Variants in RGPD8 observed in about 807,000 individuals in gnomAD.
The protein encoded by RGPD8 is RANBP2-like and GRIP domain-containing protein 8.
Under a neutral mutation model 89.1 loss-of-function variants are expected in RGPD8, and 15 were observed. That is an observed-to-expected ratio of 0.17 (90% CI 0.11 to 0.26). The LOEUF is 0.26. Ranked by LOEUF, RGPD8 falls within the 10% of genes least tolerant of loss-of-function variation. The pLI is 1.00. For synonymous variants in RGPD8, 62 were observed against 420.9 expected (o/e 0.15, Z 10.44); for missense variants, 178 against 1,179.6 (o/e 0.15, Z 12.44).
At chr2:112,411,139 T>A (rs1375093582) in intron 7 of RGPD8, among the ~76,000 whole-genome samples, 1 of 152,284 alleles carries the variant, frequency 6.6e-6, no homozygotes, top group African/African-American at 2.4e-5. Flanking sequence ...AAGTAATGAA[T>A]CCTTTTTTTT....
At position 112,389,234 on chromosome 2, in the gene RGPD8, G is replaced by A; in HGVS notation, c.3711C>T (p.Pro1237=). ...VAGASDTTIK[P]NAENTGPTLE... Reference sequence around the variant, plus strand: ...ATGTGGGCCCAGTGTTTTCAGCATTGGGTTTTATTGTTGTGTCTGAGGCAC... The same window carrying A: ...ATGTGGGCCCAGTGTTTTCAGCATTAGGTTTTATTGTTGTGTCTGAGGCAC... Residue 1237 remains proline (P), a synonymous_variant, in exon 20 of 23, where the codon CCC becomes CCT. Coordinates refer to ENST00000302558, the MANE Select transcript of RGPD8 (RefSeq NM_001164463.1). 6.4e-7 allele frequency: 1 copy of A among 1,570,072 alleles called. No individual in the cohort carries two copies. The highest frequency in any genetic ancestry group is 8.7e-7 in the Non-Finnish European group (1 of 1,150,066).
chr2:112,390,466 G>C (rs1336937265), intron 19 of RGPD8, among the ~76,000 whole-genome samples: 2 of 141,580 alleles, frequency 1.4e-5, no homozygotes, highest in Non-Finnish European at 3.1e-5. Flanking sequence ...AAAACCCTAT[G>C]AATTAAGGTA....
chr2:112,377,343 G>A lies in RGPD8; in HGVS notation c.5263+710C>T, dbSNP rs533630751. On this transcript the variant is annotated intron_variant, in intron 22 of 22. Coordinates refer to ENST00000302558, the MANE Select transcript of RGPD8 (RefSeq NM_001164463.1). The stretch of plus-strand genomic sequence containing the variant: ...TGCCGTCAGGCTGGAGTACAGTGGC[G>A]TGACACATCACTGCAACCTCCGCCT... Among the ~76,000 whole-genome samples the A allele has an allele frequency of 9.4e-4, 97 of 103,146 alleles. 12 individuals carry two copies. Among genetic ancestry groups the A allele is most frequent in the African/African-American group, 2.7e-3 (84 of 31,196 alleles). The allele number at this position is 103,146 out of a possible 152,430, so 67.7% of individuals were successfully genotyped here. A position where few individuals can be genotyped will look rare whatever the true frequency, so the allele number is the denominator to read the frequency against.
chr2:112,374,858 CTTTTTTTT>C (rs780008775), intron 22 of RGPD8, among the ~76,000 whole-genome samples: 52 of 103,422 alleles, frequency 5.0e-4, no homozygotes, highest in Non-Finnish European at 8.0e-4. Context: ...AGTTTACATT[CTTTTTTTT>C]TTTTTTTTTT....
intron 6 of RGPD8, among the ~76,000 whole-genome samples, chr2:112,413,552 C>T (rs1679267812): frequency 1.6e-5 from 2 of 122,164 alleles, no homozygotes; most frequent in South Asian, 5.2e-4. Context: ...AAGTGGCTTA[C>T]AATAAAGCAA....
chr2:112,379,814 T>A (rs1157264853), intron 21 of RGPD8, among the ~76,000 whole-genome samples: 1 of 142,082 alleles, frequency 7.0e-6, no homozygotes, highest in African/African-American at 2.5e-5. Flanking sequence ...GCTAGTGGCC[T>A]TGCACAGTGG....
intron 1 of RGPD8, among the ~76,000 whole-genome samples, chr2:112,429,410 C>T (rs1266280613): frequency 4.1e-5 from 4 of 96,486 alleles, no homozygotes; most frequent in Non-Finnish European, 7.8e-5. Flanking sequence ...AGCCAGACTC[C>T]GTCTCAAAAA....
Position 112,422,638 on chromosome 2 carries a change from A to G in RGPD8, c.162T>C (p.Asn54=), listed in dbSNP as rs1679605489. ...LAKKYICTYI[N]VQERDPKAHR... ...GAGCTTTGGGATCCCTCTCTTGCAC[A>G]TTAATGTAAGTACATATGTATCTGT... Residue 54 remains asparagine, a synonymous_variant, in exon 3 of 23, where the codon AAT becomes AAC. Transcript: ENST00000302558. 5 of 1,603,756 alleles carry G rather than the reference A, an allele frequency of 3.1e-6. No homozygotes were observed. The highest frequency in any genetic ancestry group is 4.2e-6 in the Non-Finnish European group (5 of 1,176,916).
In RGPD8 at chr2:112,377,435, C is replaced by T. The variant is rs867049509; in HGVS notation, c.5263+618G>A. Among the ~76,000 whole-genome samples, 65 of 109,770 alleles carry T rather than the reference C, an allele frequency of 5.9e-4. 6 individuals carry two copies. The highest frequency in any genetic ancestry group is 1.6e-3 in the African/African-American group (55 of 34,112). 72.0% of individuals were successfully genotyped at this position (109,770 alleles called of 152,430 possible). A position where few individuals can be genotyped will look rare whatever the true frequency, so the allele number is the denominator to read the frequency against. ...CTGGGACTACAGGCGCATGCCACCACGTCCAGCTAATTTTTGTATTTTTAG... is the reference window on the plus strand; with the variant it reads ...CTGGGACTACAGGCGCATGCCACCATGTCCAGCTAATTTTTGTATTTTTAG... On this transcript the variant is annotated intron_variant, in intron 22 of 22. Transcript: ENST00000302558.
chr2:112,430,028 C>T (rs926997522), intron 1 of RGPD8, among the ~76,000 whole-genome samples: 3 of 152,124 alleles, frequency 2.0e-5, no homozygotes, highest in Admixed American at 6.5e-5. Context: ...GCTGGTCTCT[C>T]GGCCTCCCAA....
intron 21 of RGPD8, among the ~76,000 whole-genome samples, chr2:112,379,175 G>C (rs1209905438): frequency 6.6e-6 from 1 of 151,364 alleles, no homozygotes; most frequent in African/African-American, 2.4e-5. Context: ...CCAAGCCATA[G>C]CTTTTAGTAT....
intron 6 of RGPD8, 97 bp downstream of exon 6, chr2:112,417,096 G>A: frequency 1.9e-6 from 3 of 1,604,094 alleles, no homozygotes; most frequent in Middle Eastern, 2.3e-4. Context: ...GTACATTATA[G>A]AAATAATGAT....
chr2:112,422,605 A>C lies in RGPD8; in HGVS notation c.195T>G (p.Phe65Leu). Residue 65 changes from phenylalanine to leucine, a missense_variant, in exon 3 of 23, where the codon TTT (phenylalanine) becomes TTG (leucine). Coordinates refer to ENST00000302558, the MANE Select transcript of RGPD8 (RefSeq NM_001164463.1). ...VQERDPKAHRFLGLLYELEEN... is the reference protein window; with the variant it reads ...VQERDPKAHRLLGLLYELEEN... ...CTTCCAATTCATAAAGAAGACCCAG[A>C]AATCTGTGAGCTTTGGGATCCCTCT... 1 of 1,609,276 alleles carries C rather than the reference A, an allele frequency of 6.2e-7. No homozygotes were observed. Among genetic ancestry groups the C allele is most frequent in the East Asian group, 2.2e-5 (1 of 44,706 alleles).
At position 112,429,216 on chromosome 2, in the gene RGPD8, T is replaced by C. The variant is rs3106685; in HGVS notation, c.72+4166A>G. ...CGGGCGGATCATGAGGTCAGGAGAT[T>C]GAGACTATCCTGGCTAACACGGTGA... On this transcript the variant is annotated intron_variant, in intron 1 of 22. Coordinates refer to ENST00000302558, the MANE Select transcript of RGPD8 (RefSeq NM_001164463.1). Among the ~76,000 whole-genome samples, 1,102 of 151,386 alleles carry C rather than the reference T, an allele frequency of 7.3e-3. 10 individuals are homozygous for C. The highest frequency in any genetic ancestry group is 0.028 in the South Asian group (134 of 4,766).
chr2:112,425,854 G>C (rs1261497199), intron 1 of RGPD8, among the ~76,000 whole-genome samples: 1 of 150,692 alleles, frequency 6.6e-6, no homozygotes, highest in African/African-American at 2.4e-5. Context: ...GAAATTCCAA[G>C]ACCCCAGTGA....
chr2:112,411,117 G>A (rs1326572132), intron 7 of RGPD8, among the ~76,000 whole-genome samples: 1 of 152,192 alleles, frequency 6.6e-6, no homozygotes, highest in Admixed American at 6.5e-5. Flanking sequence ...TAGAAGGAGG[G>A]GCCTTCTCTA....
In RGPD8 at chr2:112,389,469, A is replaced by T. The variant is rs2104780983; in HGVS notation, c.3476T>A (p.Phe1159Tyr). 1 of 1,607,500 alleles carries T rather than the reference A, an allele frequency of 6.2e-7. No individual in the cohort carries two copies. Among genetic ancestry groups the T allele is most frequent in the East Asian group, 2.2e-5 (1 of 44,788 alleles). ...CTGGCATTCCTCAAATTTCTGCTTG[A>T]ATTCTTCAGCCAGCTCTGGTGTTTT... ...KFKTPELAEE[F>Y]KQKFEECQRL... is the part of the protein sequence containing the mutation. The change falls in exon 20 of 23, where the codon TTC (phenylalanine) becomes TAC (tyrosine). Residue 1159 changes from phenylalanine to tyrosine, a missense_variant. Transcript: ENST00000302558.
At chr2:112,430,992 C>T (rs539933783) in intron 1 of RGPD8, among the ~76,000 whole-genome samples, 241 of 152,242 alleles carry the variant, frequency 1.6e-3, no homozygotes, top group African/African-American at 5.6e-3. Context: ...TGGCTCACGC[C>T]TATAATCCCA....
At chr2:112,408,789 G>A (rs1217751147) in intron 7 of RGPD8, among the ~76,000 whole-genome samples, 112 of 151,588 alleles carry the variant, frequency 7.4e-4, no homozygotes, top group African/African-American at 1.9e-3. Context: ...CTCCTGTCTC[G>A]GCCTCTCAAG....
Sources: gnomAD v4.1 joint callset for allele counts (sites outside exome capture counted in the v4.1 genomes callset) on GRCh38, gnomAD v4.1.1 for gene constraint, MANE v1.5 for transcripts, NCBI Gene and HGNC (gene_info 2026-07-23, HGNC 2026-07-21) for gene names.